The following MYO3B variants were observed in gnomAD, a reference collection of about 807,000 sequenced individuals.
The protein encoded by MYO3B is myosin-IIIb.
Under a neutral mutation model 174.6 loss-of-function variants are expected in MYO3B, and 156 were observed. The ratio of observed to expected loss-of-function variants is 0.89; its 90% confidence interval spans 0.78 to 1.02. The LOEUF (loss-of-function observed/expected upper bound fraction) is 1.02. MYO3B is among the 50% of genes least tolerant of loss of function. MYO3B has a pLI of 0.00. For synonymous variants in MYO3B, 563 were observed against 569.1 expected, an observed-to-expected ratio of 0.99 and a Z score of 0.15; for missense variants, 1,632 against 1,639.4, an observed-to-expected ratio of 1.00 and a Z score of 0.08.
intron 22 of MYO3B, among the ~76,000 whole-genome samples, chr2:170,438,790 A>G (rs918891108): frequency 1.3e-5 from 2 of 151,884 alleles, no homozygotes; most frequent in South Asian, 4.2e-4. Flanking sequence ...GCCTGCCACC[A>G]TGTCTGGCTA....
intron 6 of MYO3B, among the ~76,000 whole-genome samples, chr2:170,232,070 CACTT>C (rs144560568): frequency 1.9e-3 from 296 of 152,286 alleles, no homozygotes; most frequent in African/African-American, 6.9e-3. Flanking sequence ...CAAAGACGTG[CACTT>C]ACTTGCCTTC....
At chr2:170,217,535 G>A (rs983641637) in intron 6 of MYO3B, 140 bp downstream of exon 6, 9 of 754,806 alleles carry the variant, frequency 1.2e-5, no homozygotes, top group Non-Finnish European at 2.1e-5. Flanking sequence ...AAGAGTACTA[G>A]TTTGGTCAGC....
intron 28 of MYO3B, among the ~76,000 whole-genome samples, chr2:170,505,775 A>C (rs1189655973): frequency 3.9e-5 from 6 of 152,254 alleles, no homozygotes; most frequent in Non-Finnish European, 8.8e-5. Context: ...AATAGGTGAC[A>C]GTGGAGCCCT....
intron 14 of MYO3B, among the ~76,000 whole-genome samples, chr2:170,390,034 G>A (rs12613167): frequency 0.57 from 87,049 of 151,936 alleles, 25,910 homozygotes; most frequent in East Asian, 0.88. Flanking sequence ...AGTGCCTACC[G>A]TGACTGGCAA....
At position 170,392,434 on chromosome 2, in the gene MYO3B, C is replaced by T; in HGVS notation, c.1730C>T (p.Ser577Phe). The T allele has an allele frequency of 6.2e-7, 1 of 1,600,964 alleles. No individual in the cohort carries two copies. The change falls in exon 16 of 35, where the codon TCT becomes TTT. Residue 577 changes from serine (S) to phenylalanine (F), a missense_variant. By Grantham distance (155) the Ser-to-Phe change is radical. Coordinates refer to ENST00000408978, the MANE Select transcript of MYO3B (RefSeq NM_138995.5). ...ATGCACGACATAACTTCCAAGGAGT[C>T]TTACAGAAGACAATTCGAAGCAATT... The part of the protein sequence containing the change: ...RVMHDITSKE[S>F]YRRQFEAIQH...
intron 25 of MYO3B, among the ~76,000 whole-genome samples, chr2:170,472,669 T>TTATC (rs201976360): frequency 0.11 from 15,606 of 141,506 alleles, 1,107 homozygotes; most frequent in Non-Finnish European, 0.15. Context: ...AGCTCACTTT[T>TTATC]TATCTATTTA....
intron 8 of MYO3B, chr2:170,348,670 T>G (rs993085024): frequency 6.6e-5 from 10 of 152,230 alleles, no homozygotes; most frequent in Non-Finnish European, 1.3e-4. Context: ...CATGGTGACA[T>G]GGATGACCAC....
chr2:170,385,613 G>A (rs552979500), intron 12 of MYO3B, among the ~76,000 whole-genome samples: 16 of 152,188 alleles, frequency 1.1e-4, no homozygotes, highest in African/African-American at 3.9e-4. Context: ...ATACGGACAG[G>A]TCATGTAAAA....
intron 7 of MYO3B, among the ~76,000 whole-genome samples, chr2:170,312,400 T>G (rs1357678212): frequency 6.6e-6 from 1 of 152,270 alleles, no homozygotes; most frequent in Non-Finnish European, 1.5e-5. Context: ...TAATATTTAG[T>G]ACAGCTCCTG....
At chr2:170,234,626 C>T (rs1335764184) in intron 6 of MYO3B, among the ~76,000 whole-genome samples, 2 of 152,302 alleles carry the variant, frequency 1.3e-5, no homozygotes, top group East Asian at 1.9e-4. Context: ...TTCTCCATTT[C>T]GAAGTGTCCC....
At chr2:170,590,283 T>C (rs1319871556) in intron 32 of MYO3B, among the ~76,000 whole-genome samples, 1 of 152,150 alleles carries the variant, frequency 6.6e-6, no homozygotes, top group Non-Finnish European at 1.5e-5. Context: ...AGGACAAAGA[T>C]TTTTTTAAAT....
At chr2:170,230,175 T>G (rs934349734) in intron 6 of MYO3B, among the ~76,000 whole-genome samples, 5 of 140,504 alleles carry the variant, frequency 3.6e-5, no homozygotes, top group African/African-American at 7.9e-5. Flanking sequence ...TTTTTTTTTG[T>G]TTTTTTTTTT....
At chr2:170,285,437 C>T (rs765848966) in intron 7 of MYO3B, among the ~76,000 whole-genome samples, 17 of 151,672 alleles carry the variant, frequency 1.1e-4, no homozygotes, top group African/African-American at 2.7e-4. Context: ...GGCACAATCT[C>T]GGCCCCTCTG....
chr2:170,308,206 G>T (rs1029535639), intron 7 of MYO3B, among the ~76,000 whole-genome samples: 1 of 152,142 alleles, frequency 6.6e-6, no homozygotes, highest in Non-Finnish European at 1.5e-5. Flanking sequence ...ACTACTCTCA[G>T]GTTCTGAGAA....
At chr2:170,560,766 G>A (rs1203962866) in intron 32 of MYO3B, among the ~76,000 whole-genome samples, 1 of 152,134 alleles carries the variant, frequency 6.6e-6, no homozygotes, top group Non-Finnish European at 1.5e-5. Flanking sequence ...CTCTGCATTT[G>A]TGCAGAAATC....
chr2:170,427,025 AAAAG>A (rs1252029078), intron 22 of MYO3B, among the ~76,000 whole-genome samples: 1 of 152,112 alleles, frequency 6.6e-6, no homozygotes, highest in Non-Finnish European at 1.5e-5. Flanking sequence ...CTCAAAAAAA[AAAAG>A]AAAAGAAATA....
chr2:170,335,467 C>A lies in MYO3B; in HGVS notation c.815+17C>A, dbSNP rs1472542853. On this transcript the variant is annotated intron_variant, in intron 8 of 34. Coordinates refer to ENST00000408978, the MANE Select transcript of MYO3B (RefSeq NM_138995.5). ...TATTTCACAGTGAGTATTTCTTCCA[C>A]TAAAAATTGCCCATCTAGCAAGGCC... is the stretch of plus-strand genomic sequence containing the variant. The A allele has an allele frequency of 1.2e-5, 20 of 1,602,450 alleles. 1 individual carries two copies. Among genetic ancestry groups the A allele is most frequent in the African/African-American group, 9.4e-5 (7 of 74,756 alleles).
At chr2:170,416,518 G>C (rs1410270478) in intron 22 of MYO3B, among the ~76,000 whole-genome samples, 1 of 111,084 alleles carries the variant, frequency 9.0e-6, no homozygotes, top group Non-Finnish European at 1.7e-5. Flanking sequence ...GCGAGACTCC[G>C]TCTCAAAAAA....
At chr2:170,510,948 G>A (rs1687940392) in intron 28 of MYO3B, among the ~76,000 whole-genome samples, 1 of 151,944 alleles carries the variant, frequency 6.6e-6, no homozygotes, top group African/African-American at 2.4e-5. Flanking sequence ...GAATTTCAGT[G>A]TATAGATGTA....
Sources: gnomAD v4.1 joint callset for allele counts (sites outside exome capture counted in the v4.1 genomes callset) on GRCh38, gnomAD v4.1.1 for gene constraint, MANE v1.5 for transcripts, NCBI Gene and HGNC (gene_info 2026-07-23, HGNC 2026-07-21) for gene names.